The following SLC13A1 variants were observed in gnomAD, a reference collection of about 807,000 sequenced individuals.
The protein encoded by SLC13A1 is solute carrier family 13 member 1.
SLC13A1 carries 65 observed loss-of-function variants against 70.0 expected under a neutral mutation model. The ratio of observed to expected loss-of-function variants is 0.93; its 90% confidence interval spans 0.76 to 1.14. The LOEUF is 1.14. SLC13A1 is among the 50% of genes most tolerant of loss of function. The pLI is 0.00. For synonymous variants in SLC13A1, 275 were observed against 250.5 expected (o/e 1.10, Z -0.92); for missense variants, 726 against 717.8 (o/e 1.01, Z -0.13).
At position 123,121,297 on chromosome 7, in the gene SLC13A1, T is replaced by A. The variant is rs577727382; in HGVS notation, c.1350+1829A>T. Among the ~76,000 whole-genome samples the A allele has an allele frequency of 5.9e-5, 9 of 152,240 alleles. No individual in the cohort carries two copies. The South Asian group carries it at 1.9e-3, about 32-fold the overall frequency. ...CTGGCTTTTACTGTTGCTTTCAGAG[T>A]TATCTGCTGCCTCCAGTTCCTGAGG... On this transcript the variant is annotated intron_variant, in intron 12 of 14. Coordinates refer to ENST00000194130, the MANE Select transcript of SLC13A1 (RefSeq NM_022444.4).
At chr7:123,158,386 G>A (rs971733674) in intron 6 of SLC13A1, among the ~76,000 whole-genome samples, 1 of 151,884 alleles carries the variant, frequency 6.6e-6, no homozygotes, top group Non-Finnish European at 1.5e-5. Context: ...AATAGACATA[G>A]CTAAAGAGAA....
intron 4 of SLC13A1, 25 bp downstream of exon 4, chr7:123,169,123 G>T (rs1795169167): frequency 6.2e-7 from 1 of 1,608,822 alleles, no homozygotes; most frequent in Non-Finnish European, 8.5e-7. Flanking sequence ...CTAGACCCCA[G>T]ATTGGCCATA....
chr7:123,187,312 A>AT lies in SLC13A1; in HGVS notation c.100-6212_100-6211insA, dbSNP rs1210769246. Among the ~76,000 whole-genome samples, 6 of 152,142 alleles carry AT rather than the reference A, an allele frequency of 3.9e-5. No homozygotes were observed. In the East Asian group the frequency reaches 7.7e-4, roughly 20 times the overall value. ...CAGTTCCTCGTCCCTTAAATTAAAA[A>AT]ATATATATATTAGAAGCTTTTTAGC... is the stretch of plus-strand genomic sequence containing the variant. On this transcript the variant is annotated intron_variant, in intron 1 of 14. Transcript: ENST00000194130.
chr7:123,168,822 T>A (rs1413774316), intron 4 of SLC13A1, among the ~76,000 whole-genome samples: 2 of 152,156 alleles, frequency 1.3e-5, no homozygotes, highest in Non-Finnish European at 2.9e-5. Context: ...AATTAAAGAT[T>A]CCCAATATTA....
At chr7:123,117,728 A>G (rs1793231162) in intron 13 of SLC13A1, 120 bp from the exon 14 acceptor site, 1 of 508,070 alleles carries the variant, frequency 2.0e-6, no homozygotes, top group Non-Finnish European at 3.4e-6. Flanking sequence ...ATGATATAAA[A>G]TTATATAAAT....
intron 6 of SLC13A1, among the ~76,000 whole-genome samples, chr7:123,156,784 GCTCAAGTCCTTCTAGACCTT>G (rs1030490151): frequency 2.0e-5 from 3 of 152,006 alleles, no homozygotes; most frequent in Non-Finnish European, 4.4e-5. Flanking sequence ...CCTATCAGGA[GCTCAAGTCCTTCTAGACCTT>G]CTCAAGGCCT....
chr7:123,177,226 T>C (rs929034664), intron 2 of SLC13A1, among the ~76,000 whole-genome samples: 2 of 152,100 alleles, frequency 1.3e-5, no homozygotes, highest in Non-Finnish European at 2.9e-5. Flanking sequence ...ACACTTTTCT[T>C]CCAACCATAT....
intron 6 of SLC13A1, among the ~76,000 whole-genome samples, chr7:123,157,864 C>A (rs988133800): frequency 1.3e-5 from 2 of 151,970 alleles, no homozygotes; most frequent in Non-Finnish European, 2.9e-5. Flanking sequence ...TGTGGGGAAT[C>A]ATACAAGAAA....
At chr7:123,178,049 A>ATC (rs758930009) in intron 2 of SLC13A1, among the ~76,000 whole-genome samples, 357 of 151,090 alleles carry the variant, frequency 2.4e-3, no homozygotes, top group Non-Finnish European at 4.0e-3. Flanking sequence ...ATATATATAT[A>ATC]TCTCCATACA....
chr7:123,141,877 T>C (rs548198322), intron 7 of SLC13A1, among the ~76,000 whole-genome samples: 1 of 152,170 alleles, frequency 6.6e-6, no homozygotes, highest in Non-Finnish European at 1.5e-5. Context: ...TTTTTATCCA[T>C]GTAACCACTC....
intron 7 of SLC13A1, among the ~76,000 whole-genome samples, chr7:123,145,661 A>G (rs1402593574): frequency 2.6e-5 from 4 of 152,006 alleles, no homozygotes; most frequent in African/African-American, 9.7e-5. Context: ...GAAGCCTCTC[A>G]TTTATAAACC....
At chr7:123,117,042 C>A (rs1793203230) in intron 14 of SLC13A1, among the ~76,000 whole-genome samples, 1 of 152,164 alleles carries the variant, frequency 6.6e-6, no homozygotes, top group Non-Finnish European at 1.5e-5. Context: ...GAGGCACTGA[C>A]TCAGTGTCTC....
intron 1 of SLC13A1, among the ~76,000 whole-genome samples, chr7:123,182,352 T>C (rs1585394510): frequency 1.3e-5 from 2 of 152,264 alleles, no homozygotes; most frequent in East Asian, 3.9e-4. Context: ...ATCATACTTG[T>C]AAGAACCTAG....
intron 1 of SLC13A1, among the ~76,000 whole-genome samples, chr7:123,191,777 C>T (rs1354258908): frequency 1.3e-5 from 2 of 152,108 alleles, no homozygotes; most frequent in African/African-American, 4.8e-5. Context: ...TAAGGTTCAA[C>T]GATCACACTG....
chr7:123,125,699 A>G, intron 10 of SLC13A1, 24 bp from the exon 11 acceptor site: 1 of 1,531,914 alleles, frequency 6.5e-7, no homozygotes, highest in South Asian at 1.1e-5. Flanking sequence ...AAATACATGT[A>G]TTAAAAATAG....
chr7:123,161,295 TA>T (rs1265057663), intron 6 of SLC13A1, among the ~76,000 whole-genome samples: 1 of 151,168 alleles, frequency 6.6e-6, no homozygotes, highest in Non-Finnish European at 1.5e-5. Context: ...AATCTTTAAA[TA>T]ATCTTTAAAA....
intron 7 of SLC13A1, among the ~76,000 whole-genome samples, chr7:123,138,844 A>G (rs1261956964): frequency 2.0e-5 from 3 of 151,966 alleles, no homozygotes; most frequent in East Asian, 1.9e-4. Context: ...ACTTGCAAAT[A>G]TTTTCTCTCA....
chr7:123,140,377 A>C (rs1172547982), intron 7 of SLC13A1, among the ~76,000 whole-genome samples: 1 of 151,898 alleles, frequency 6.6e-6, no homozygotes. Flanking sequence ...TTCATAAGGG[A>C]TATTTCTCTG....
chr7:123,184,040 T>G (rs1795720519), intron 1 of SLC13A1, among the ~76,000 whole-genome samples: 1 of 152,084 alleles, frequency 6.6e-6, no homozygotes, highest in Admixed American at 6.5e-5. Context: ...CCAGAATTTG[T>G]GAAAATTGCC....
Sources: gnomAD v4.1 joint callset for allele counts (sites outside exome capture counted in the v4.1 genomes callset) on GRCh38, gnomAD v4.1.1 for gene constraint, MANE v1.5 for transcripts, NCBI Gene and HGNC (gene_info 2026-07-23, HGNC 2026-07-21) for gene names.